Variants in UBE2G1 observed in about 807,000 individuals in gnomAD.
UBE2G1 encodes ubiquitin-conjugating enzyme E2 G1.
In UBE2G1, 5 loss-of-function variants were observed where a neutral mutation model predicts 22.7. The observed-to-expected ratio is 0.22, with a 90% CI of 0.12 to 0.46. The LOEUF is 0.46. Ranked by LOEUF, UBE2G1 falls within the 20% of genes least tolerant of loss-of-function variation. The pLI, the probability that UBE2G1 is intolerant of heterozygous loss-of-function variation, is 0.99. For missense variants in UBE2G1, 88 were observed against 203.9 expected, an observed-to-expected ratio of 0.43 and a Z score of 3.46; for synonymous variants, 74 against 67.5, an observed-to-expected ratio of 1.10 and a Z score of -0.47.
At chr17:4,349,235 G>A (rs1279614200) in intron 1 of UBE2G1, among the ~76,000 whole-genome samples, 3 of 151,416 alleles carry the variant, frequency 2.0e-5, no homozygotes, top group African/African-American at 7.3e-5. Context: ...CAGGAGAATT[G>A]CTTGAACCCG....
At chr17:4,365,462 G>A (rs906419946) in intron 1 of UBE2G1, among the ~76,000 whole-genome samples, 3 of 152,222 alleles carry the variant, frequency 2.0e-5, no homozygotes, top group African/African-American at 7.2e-5. Flanking sequence ...GGGGCCGCAG[G>A]CTCCTCGGGG....
At chr17:4,287,008 G>A (rs1336120825) in intron 4 of UBE2G1, among the ~76,000 whole-genome samples, 1 of 151,956 alleles carries the variant, frequency 6.6e-6, no homozygotes, top group Admixed American at 6.6e-5. Flanking sequence ...GTGAGATCAC[G>A]CCACTGCACT....
intron 1 of UBE2G1, among the ~76,000 whole-genome samples, chr17:4,353,444 C>T (rs1969868699): frequency 7.2e-6 from 1 of 138,640 alleles, no homozygotes; most frequent in South Asian, 2.2e-4. Context: ...TATAGAGTTT[C>T]GTTGATATAT....
chr17:4,275,389 C>T (rs1260035145), intron 5 of UBE2G1, among the ~76,000 whole-genome samples: 3 of 152,158 alleles, frequency 2.0e-5, no homozygotes, highest in Non-Finnish European at 1.5e-5. Flanking sequence ...ATATCCATTT[C>T]GCAGAATTTA....
At chr17:4,335,634 T>C (rs1450569011) in intron 1 of UBE2G1, among the ~76,000 whole-genome samples, 2 of 152,356 alleles carry the variant, frequency 1.3e-5, no homozygotes, top group African/African-American at 2.4e-5. Flanking sequence ...TTCTAAGATG[T>C]ACCTTTTTCA....
intron 1 of UBE2G1, among the ~76,000 whole-genome samples, chr17:4,325,311 CA>C (rs1969492853): frequency 6.6e-6 from 1 of 152,254 alleles, no homozygotes; most frequent in Admixed American, 6.5e-5. Context: ...TGTAGTCCAT[CA>C]GTCATAACTC....
chr17:4,361,360 C>G (rs1205112051), intron 1 of UBE2G1, among the ~76,000 whole-genome samples: 1 of 151,524 alleles, frequency 6.6e-6, no homozygotes, highest in African/African-American at 2.4e-5. Flanking sequence ...AACCCCATCT[C>G]TACTAAAAAT....
chr17:4,288,369 G>A (rs1968994945), intron 4 of UBE2G1, among the ~76,000 whole-genome samples: 2 of 152,156 alleles, frequency 1.3e-5, no homozygotes, highest in Middle Eastern at 3.4e-3. Context: ...TGGGACTATA[G>A]GCGCCCGCCA....
Position 4,279,785 on chromosome 17 carries a change from TTATATA to T in UBE2G1, c.*37+3007_*37+3012del, listed in dbSNP as rs71144177. Among the ~76,000 whole-genome samples, 487 of 68,716 alleles carry T rather than the reference TTATATA, an allele frequency of 7.1e-3. 13 individuals carry two copies. Among genetic ancestry groups the T allele is most frequent in the African/African-American group, 0.016 (367 of 22,988 alleles). The allele number at this position is 68,716 out of a possible 152,430, so 45.1% of individuals were successfully genotyped here. A position where few individuals can be genotyped will look rare whatever the true frequency, so the allele number is the denominator to read the frequency against. On this transcript the variant is annotated intron_variant, in intron 5 of 5. Transcript: ENST00000396981. ...GCGAAACTCTGCCCCCAAAAAAAAG[TTATATA>T]TATATATATATATATATATATATAT...
At chr17:4,323,500 T>C (rs7224388) in intron 1 of UBE2G1, among the ~76,000 whole-genome samples, 61,231 of 152,078 alleles carry the variant, frequency 0.4, 12,919 homozygotes, top group African/African-American at 0.52. Flanking sequence ...TTTCAATTTA[T>C]TGCTGACCTC....
chr17:4,313,434 T>C (rs1470424785), intron 1 of UBE2G1, among the ~76,000 whole-genome samples: 2 of 152,180 alleles, frequency 1.3e-5, no homozygotes, highest in Non-Finnish European at 2.9e-5. Flanking sequence ...CCTAAGGTAT[T>C]AGGAGTTTTG....
chr17:4,299,889 T>G (rs1162672202), intron 2 of UBE2G1, among the ~76,000 whole-genome samples: 1 of 149,150 alleles, frequency 6.7e-6, no homozygotes, highest in African/African-American at 2.5e-5. Context: ...TGCAGTGGCG[T>G]GATCTCGGCT....
chr17:4,323,246 G>A (rs1271765132), intron 1 of UBE2G1, among the ~76,000 whole-genome samples: 3 of 152,124 alleles, frequency 2.0e-5, no homozygotes, highest in African/African-American at 4.8e-5. Context: ...AAAATTGAGC[G>A]ATGTTAAGCT....
chr17:4,320,048 T>C (rs1490074130), intron 1 of UBE2G1, among the ~76,000 whole-genome samples: 2 of 152,084 alleles, frequency 1.3e-5, no homozygotes, highest in Non-Finnish European at 2.9e-5. Flanking sequence ...CTTGTTGCCA[T>C]TGGTCCTATT....
chr17:4,280,008 TC>T (rs1165298319), intron 5 of UBE2G1, among the ~76,000 whole-genome samples: 1 of 150,970 alleles, frequency 6.6e-6, no homozygotes, highest in Non-Finnish European at 1.5e-5. Context: ...TCATATTAAG[TC>T]CACAATATCC....
At position 4,347,855 on chromosome 17, in the gene UBE2G1, G is replaced by A. The variant is rs375410135; in HGVS notation, c.46+18416C>T. Among the ~76,000 whole-genome samples the A allele has an allele frequency of 8.8e-4, 133 of 151,984 alleles. 1 individual carries two copies. In the South Asian group the frequency reaches 0.027, roughly 31 times the overall value. Reference sequence around the variant, plus strand: ...GGTTTTTCTATTATAATTGTTTTGGGGCACCACGAATTGTGCCCATATGAG... The same window carrying A: ...GGTTTTTCTATTATAATTGTTTTGGAGCACCACGAATTGTGCCCATATGAG... On this transcript the variant is annotated intron_variant, in intron 1 of 5. Transcript: ENST00000396981.
chr17:4,278,942 A>G (rs1968851697), intron 5 of UBE2G1, among the ~76,000 whole-genome samples: 1 of 152,040 alleles, frequency 6.6e-6, no homozygotes, highest in Non-Finnish European at 1.5e-5. Context: ...TCACAAAAAT[A>G]AATTAAAATT....
chr17:4,316,100 T>A (rs866723014), intron 1 of UBE2G1, among the ~76,000 whole-genome samples: 2 of 152,040 alleles, frequency 1.3e-5, no homozygotes, highest in Non-Finnish European at 2.9e-5. Context: ...ACCGCCTAAG[T>A]GTACTTTGCC....
chr17:4,345,563 T>C (rs1969758775), intron 1 of UBE2G1: 1 of 152,174 alleles, frequency 6.6e-6, no homozygotes, highest in Non-Finnish European at 1.5e-5. Flanking sequence ...GGTAACACTA[T>C]AAAAACAATT....
Sources: allele counts gnomAD v4.1 joint callset (sites outside exome capture counted in the v4.1 genomes callset), GRCh38; gene constraint gnomAD v4.1.1; transcripts MANE v1.5; gene names NCBI Gene and HGNC (gene_info 2026-07-23, HGNC 2026-07-21).